Variants in ADGRF1 observed in about 807,000 individuals in gnomAD.
ADGRF1 encodes adhesion G protein-coupled receptor F1, also known as G protein-coupled receptor 110.
A neutral mutation model predicts 87.2 loss-of-function variants in ADGRF1; 85 were observed. That is an observed-to-expected ratio of 0.97 (90% confidence interval 0.82 to 1.17). The LOEUF (loss-of-function observed/expected upper bound fraction) is 1.17, where lower values mean the gene tolerates loss of function less well. Ranked by LOEUF, ADGRF1 falls within the 50% of genes most tolerant of loss-of-function variation. The pLI, the probability that ADGRF1 is intolerant of heterozygous loss-of-function variation, is 0.00. For missense variants in ADGRF1, 1,169 were observed against 1,077.2 expected (o/e 1.09, Z -1.19); for synonymous variants, 430 against 408.8 (o/e 1.05, Z -0.63).
At chr6:47,036,042 G>A (rs925803780) in intron 1 of ADGRF1, among the ~76,000 whole-genome samples, 5 of 152,046 alleles carry the variant, frequency 3.3e-5, no homozygotes, top group Non-Finnish European at 4.4e-5. Flanking sequence ...ACCAGCCTGG[G>A]CAACATGGTG....
chr6:47,012,966 G>T (rs1430274829), intron 9 of ADGRF1: 4 of 655,742 alleles, frequency 6.1e-6, no homozygotes, highest in Non-Finnish European at 5.7e-6. Flanking sequence ...AGAAACAGGG[G>T]TTTCACCATG....
intron 9 of ADGRF1, chr6:47,013,192 C>A: frequency 1.0e-6 from 1 of 985,526 alleles, no homozygotes; most frequent in Non-Finnish European, 1.2e-6. Context: ...CACTCAGGCG[C>A]CCAAGTGCCC....
At chr6:47,015,346 A>G (rs1779837200) in intron 8 of ADGRF1, among the ~76,000 whole-genome samples, 1 of 152,160 alleles carries the variant, frequency 6.6e-6, no homozygotes, top group African/African-American at 2.4e-5. Flanking sequence ...CTAGCCTTTA[A>G]TAATGCATTC....
intron 10 of ADGRF1, among the ~76,000 whole-genome samples, chr6:47,011,398 T>C (rs1251395332): frequency 6.6e-6 from 1 of 152,224 alleles, no homozygotes; most frequent in East Asian, 1.9e-4. Context: ...ACACCCAAAA[T>C]GTTTGGAAGG....
rs970565866 is a variant in ADGRF1 at position 47,004,188 on chromosome 6, G to A, written c.2592+1629C>T. On this transcript the variant is annotated intron_variant, in intron 13 of 14. Transcript: ENST00000371253. ...AATCTCGCTGATTTTGCTCACCAGC[G>A]AGTTTCTTGGCAGGAATATTCATCA... Among the ~76,000 whole-genome samples, 5 of 152,134 alleles carry A rather than the reference G, an allele frequency of 3.3e-5. No homozygotes were observed. The East Asian group carries it at 5.8e-4, about 18-fold the overall frequency.
At chr6:47,030,336 A>G (rs1183123393) in intron 1 of ADGRF1, among the ~76,000 whole-genome samples, 1 of 152,114 alleles carries the variant, frequency 6.6e-6, no homozygotes, top group South Asian at 2.1e-4. Context: ...CTTATGCCCC[A>G]CCTTCCTGTT....
At chr6:47,001,418 T>C (rs1045677589) in intron 14 of ADGRF1, 83 bp downstream of exon 14, 10 of 1,100,806 alleles carry the variant, frequency 9.1e-6, no homozygotes, top group Admixed American at 2.1e-5. Flanking sequence ...GTTTCTTACA[T>C]GTTGCCATTG....
rs1437090713 is a variant in ADGRF1, at chr6:47,010,117, G to A, written c.1318C>T (p.Gln440Ter). Residue 440 changes from glutamine to a stop codon, truncating the protein, a stop_gained, in exon 11 of 15, where the codon CAA (glutamine) becomes TAA (stop). Transcript: ENST00000371253. LOFTEE classifies it high-confidence loss of function. ...DWKGIPVNKS[Q>*]LKRGYSYQIK... is the part of the protein sequence containing the mutation. The stretch of plus-strand genomic sequence containing the variant: ...TGATAGCTGTAACCCCTTTTGAGTT[G>A]GCTTTTGTTCACTGGAATCCCTTTC... The A allele has an allele frequency of 1.2e-6, 2 of 1,614,114 alleles. No homozygotes were observed.
intron 1 of ADGRF1, among the ~76,000 whole-genome samples, chr6:47,039,889 G>A (rs755573910): frequency 1.3e-5 from 2 of 152,124 alleles, no homozygotes; most frequent in African/African-American, 2.4e-5. Flanking sequence ...TAGAACCTGG[G>A]ATGTGGAGGT....
Position 47,024,154 on chromosome 6 carries a change from G to A in ADGRF1, c.341C>T (p.Pro114Leu). ...TCEDSYTWFPPSCLDPQNCYL... is the reference protein window; with the variant it reads ...TCEDSYTWFPLSCLDPQNCYL... ...GCAGTTCTGGGGATCAAGGCATGAGGGAGGAAACCAGGTGTAGCTGTCTTC... is the reference window on the plus strand; with the variant it reads ...GCAGTTCTGGGGATCAAGGCATGAGAGAGGAAACCAGGTGTAGCTGTCTTC... Residue 114 changes from proline to leucine, a missense_variant, in exon 5 of 15, where the codon CCC becomes CTC. By Grantham distance (98) the Pro-to-Leu change is moderately conservative. Transcript: ENST00000371253. 6.2e-7 allele frequency: 1 copy of A among 1,614,000 alleles called. No individual in the cohort carries two copies. Among genetic ancestry groups the A allele is most frequent in the Non-Finnish European group, 8.5e-7 (1 of 1,179,888 alleles).
Position 47,022,002 on chromosome 6 carries a change from A to T in ADGRF1, c.508T>A (p.Ser170Thr), listed in dbSNP as rs764802158. The change falls in exon 6 of 15, where the codon TCT becomes ACT. Residue 170 changes from serine to threonine, a missense_variant. Ser to Thr is a moderately conservative substitution (Grantham distance 58). Coordinates refer to ENST00000371253, the MANE Select transcript of ADGRF1 (RefSeq NM_153840.4). ...GCATATTTGGAGTATATAGCAGAAGATGAATTCAAAAGGTCATTTGTAAAC... is the reference window on the plus strand; with the variant it reads ...GCATATTTGGAGTATATAGCAGAAGTTGAATTCAAAAGGTCATTTGTAAAC... ...ERFTNDLLNS[S>T]SAIYSKYANG... The T allele has an allele frequency of 1.3e-6, 2 of 1,593,496 alleles. No individual in the cohort carries two copies. Among genetic ancestry groups the T allele is most frequent in the Non-Finnish European group, 1.7e-6 (2 of 1,171,872 alleles).
intron 4 of ADGRF1, among the ~76,000 whole-genome samples, chr6:47,024,923 T>C (rs1780180755): frequency 6.6e-6 from 1 of 152,184 alleles, no homozygotes; most frequent in African/African-American, 2.4e-5. Flanking sequence ...AAGAGGACAC[T>C]TGTAACAGGA....
Position 46,998,930 on chromosome 6 carries a change from C to T in ADGRF1, c.*1292G>A, listed in dbSNP as rs1265111630. On this transcript the variant is annotated 3_prime_UTR_variant, in exon 15 of 15. Coordinates refer to ENST00000371253, the MANE Select transcript of ADGRF1 (RefSeq NM_153840.4). Reference sequence around the variant, plus strand: ...TAACTTTGAATTTCTCTCAGGTATGCTTATTTAATCTACCACCACTAACTA... The same window carrying T: ...TAACTTTGAATTTCTCTCAGGTATGTTTATTTAATCTACCACCACTAACTA... 6.6e-6 allele frequency: 1 copy of T among 152,246 alleles called. No homozygotes were observed. Among genetic ancestry groups the T allele is most frequent in the Non-Finnish European group, 1.5e-5 (1 of 68,058 alleles). 9.4% of individuals were successfully genotyped at this position (152,246 alleles called of 1,614,324 possible).
intron 13 of ADGRF1, among the ~76,000 whole-genome samples, chr6:47,005,474 AGAT>A (rs1204300665): frequency 1.6e-4 from 24 of 152,252 alleles, no homozygotes; most frequent in African/African-American, 5.8e-4. Context: ...TCAGAAAGTC[AGAT>A]GAAGAAAAGG....
rs556411755 is a variant in ADGRF1, at chr6:47,012,215, A to C, written c.928-20T>G. The C allele has an allele frequency of 6.2e-7, 1 of 1,603,052 alleles. No individual in the cohort carries two copies. Among genetic ancestry groups the C allele is most frequent in the South Asian group, 1.1e-5 (1 of 90,654 alleles). On this transcript the variant is annotated intron_variant, in intron 9 of 14. Transcript: ENST00000371253. Reference sequence around the variant, plus strand: ...GAAATTCTAGAAGCGAAAATGGTTAAGTTCTAGAAAACAATGACATGCTGT... The same window carrying C: ...GAAATTCTAGAAGCGAAAATGGTTACGTTCTAGAAAACAATGACATGCTGT...
intron 1 of ADGRF1, among the ~76,000 whole-genome samples, chr6:47,032,358 C>A (rs555944878): frequency 2.5e-3 from 377 of 152,178 alleles, no homozygotes; most frequent in Non-Finnish European, 4.3e-3. Context: ...ATACAAGGTA[C>A]CCTCAAAATT....
At chr6:47,022,277 C>G (rs1397850565) in intron 5 of ADGRF1, among the ~76,000 whole-genome samples, 1 of 152,154 alleles carries the variant, frequency 6.6e-6, no homozygotes, top group Non-Finnish European at 1.5e-5. Context: ...TGCTGGTAAT[C>G]AAGGCAACCT....
At position 47,042,220 on chromosome 6, in the gene ADGRF1, C is replaced by T. The variant is rs1780758837; in HGVS notation, c.-73G>A. 6.6e-6 allele frequency: 1 copy of T among 152,094 alleles called. No individual in the cohort carries two copies. The highest frequency in any genetic ancestry group is 1.5e-5 in the Non-Finnish European group (1 of 68,026). 9.4% of individuals were successfully genotyped at this position (152,094 alleles called of 1,614,324 possible). A position where few individuals can be genotyped will look rare whatever the true frequency, so the allele number is the denominator to read the frequency against. On this transcript the variant is annotated 5_prime_UTR_variant, in exon 1 of 15. Transcript: ENST00000371253. Reference sequence around the variant, plus strand: ...TGATTTATCTCTTCACACCAGAACTCGAGGGAGCCCTTCCTTCAGTATACT... The same window carrying T: ...TGATTTATCTCTTCACACCAGAACTTGAGGGAGCCCTTCCTTCAGTATACT...
rs185166739 is a variant in ADGRF1, at chr6:47,025,858, G to A, written c.273C>T (p.Thr91=). ...AGTCACCGAGAGCCACCTTACCTGTGGTAGCCTTTGCTCTGATAATTCTAA... is the reference window on the plus strand; with the variant it reads ...AGTCACCGAGAGCCACCTTACCTGTAGTAGCCTTTGCTCTGATAATTCTAA... The part of the protein sequence containing the change: ...GLIRIIRAKA[T]TDCNSLNGVL... Residue 91 remains threonine (T), a synonymous_variant, in exon 4 of 15, where the codon ACC becomes ACT. Transcript: ENST00000371253. The A allele has an allele frequency of 1.9e-6, 3 of 1,582,536 alleles. No homozygotes were observed. The highest frequency in any genetic ancestry group is 3.4e-5 in the Admixed American group (2 of 58,570).
Sources: gnomAD v4.1 joint callset for allele counts (sites outside exome capture counted in the v4.1 genomes callset) on GRCh38, gnomAD v4.1.1 for gene constraint, MANE v1.5 for transcripts, NCBI Gene and HGNC (gene_info 2026-07-23, HGNC 2026-07-21) for gene names.